The following TBC1D1 variants were observed in gnomAD, a reference collection of about 807,000 sequenced individuals.
TBC1D1 encodes the protein TBC1 (tre-2/USP6, BUB2, cdc16) domain family, member 1.
A neutral mutation model predicts 125.6 loss-of-function variants in TBC1D1; 89 were observed. That is an observed-to-expected ratio of 0.71 (90% CI 0.60 to 0.85). The LOEUF (loss-of-function observed/expected upper bound fraction) is 0.85. Ranked by LOEUF, TBC1D1 falls within the 40% of genes least tolerant of loss-of-function variation. The probability of loss-of-function intolerance (pLI) is 0.00; values close to 1 mark genes in which losing one functional copy is unlikely to be tolerated. For synonymous variants in TBC1D1, 565 were observed against 564.1 expected, an observed-to-expected ratio of 1.00 and a Z score of -0.02; for missense variants, 1,377 against 1,469.2, an observed-to-expected ratio of 0.94 and a Z score of 1.03.
intron 12 of TBC1D1, chr4:38,054,929 TGTTTAC>T (rs1417259135): frequency 6.5e-6 from 1 of 153,154 alleles, no homozygotes; most frequent in Non-Finnish European, 1.5e-5. Context: ...GTGCGCAGGG[TGTTTAC>T]TGGAGTTGTA....
intron 12 of TBC1D1, among the ~76,000 whole-genome samples, chr4:38,069,231 T>TA (rs1302250190): frequency 3.3e-5 from 5 of 152,224 alleles, no homozygotes; most frequent in African/African-American, 7.2e-5. Flanking sequence ...CCCTTTCCAT[T>TA]AAGCCATAAC....
At chr4:38,120,835 G>GA (rs1203680400) in intron 17 of TBC1D1, among the ~76,000 whole-genome samples, 17 of 152,084 alleles carry the variant, frequency 1.1e-4, no homozygotes, top group East Asian at 7.7e-4. Context: ...ACCTTTGGGG[G>GA]AAGAAAAATC....
rs947651596 is a variant in TBC1D1, at chr4:38,045,986, A to G, written c.1629+83A>G. ...ATCTCCTGTCTACATACCTCCAATC[A>G]TAAAACGTTTGCTGCTTGCAAATTT... is the stretch of plus-strand genomic sequence containing the variant. On this transcript the variant is annotated intron_variant, in intron 10 of 19. Transcript: ENST00000261439. 31 of 1,238,316 alleles carry G rather than the reference A, an allele frequency of 2.5e-5. No individual in the cohort carries two copies. The African/African-American group carries it at 4.3e-4, about 17-fold the overall frequency. The allele number at this position is 1,238,316 out of a possible 1,614,324, so 76.7% of individuals were successfully genotyped here.
In TBC1D1 at chr4:38,057,878, G is replaced by T. The variant is rs552070398; in HGVS notation, c.2050+3540G>T. On this transcript the variant is annotated intron_variant, in intron 12 of 19. Coordinates refer to ENST00000261439, the MANE Select transcript of TBC1D1 (RefSeq NM_015173.4). ...TGAGCTCGCGGGTCTGAGCTCCAAA[G>T]CTCATTCTCTGAACTGTGCACAGCA... Among the ~76,000 whole-genome samples, 7 of 152,284 alleles carry T rather than the reference G, an allele frequency of 4.6e-5. No individual in the cohort carries two copies. The East Asian group carries it at 1.2e-3, about 25-fold the overall frequency.
chr4:38,049,609 T>C lies in TBC1D1; in HGVS notation c.1630-9T>C. ...TGGTGTGTCTGATCTGCTGTGTGTT[T>C]GCTCCCAGGAGCCATCTGTGTGTGA... On this transcript the variant is annotated splice_polypyrimidine_tract_variant and intron_variant, in intron 10 of 19. Coordinates refer to ENST00000261439, the MANE Select transcript of TBC1D1 (RefSeq NM_015173.4). The C allele has an allele frequency of 6.3e-7, 1 of 1,595,576 alleles. No homozygotes were observed. Among genetic ancestry groups the C allele is most frequent in the Non-Finnish European group, 8.5e-7 (1 of 1,170,104 alleles).
chr4:38,045,868 A>T lies in TBC1D1; in HGVS notation c.1594A>T (p.Ser532Cys). ...ACACTCCATCAGTGTGGATCTGGAT[A>T]GCTCCCTGTCTAGTACATTAAGTAA... is the stretch of plus-strand genomic sequence containing the variant. Residue 532 changes from serine to cysteine, a missense_variant, in exon 10 of 20, where the codon AGC (serine) becomes TGC (cysteine). This residue lies in a region of TBC1D1 where 822 missense variants were observed against 824.6 expected (regional missense o/e 1.00). Coordinates refer to ENST00000261439, the MANE Select transcript of TBC1D1 (RefSeq NM_015173.4). 3 of 1,612,574 alleles carry T rather than the reference A, an allele frequency of 1.9e-6. No individual in the cohort carries two copies. Among genetic ancestry groups the T allele is most frequent in the Non-Finnish European group, 2.5e-6 (3 of 1,179,418 alleles).
In TBC1D1 at chr4:37,956,904, A is replaced by T. The variant is rs1578036654; in HGVS notation, c.417+54392A>T. Among the ~76,000 whole-genome samples the T allele has an allele frequency of 4.0e-5, 6 of 150,864 alleles. No individual in the cohort carries two copies. The South Asian group carries it at 1.3e-3, about 32-fold the overall frequency. On this transcript the variant is annotated intron_variant, in intron 2 of 19. Transcript: ENST00000261439. ...AAGTGAGCAGAGATCGCGCCACCGCACTCCAGCCTGGGCAACAGAGCAAGA... is the reference window on the plus strand; with the variant it reads ...AAGTGAGCAGAGATCGCGCCACCGCTCTCCAGCCTGGGCAACAGAGCAAGA...
At chr4:38,082,095 T>A (rs1756667006) in intron 12 of TBC1D1, among the ~76,000 whole-genome samples, 1 of 152,228 alleles carries the variant, frequency 6.6e-6, no homozygotes, top group Non-Finnish European at 1.5e-5. Context: ...TAAGCTTCAG[T>A]TTCCACATCT....
At chr4:37,894,135 T>A (rs780316081) in intron 1 of TBC1D1, among the ~76,000 whole-genome samples, 2 of 151,926 alleles carry the variant, frequency 1.3e-5, no homozygotes, top group Non-Finnish European at 2.9e-5. Context: ...ACTACAGGCG[T>A]GCTCTACCAC....
chr4:38,021,193 C>T (rs1172518246), intron 5 of TBC1D1, among the ~76,000 whole-genome samples: 1 of 152,192 alleles, frequency 6.6e-6, no homozygotes, highest in Non-Finnish European at 1.5e-5. Flanking sequence ...TGCAGGGGAA[C>T]TGCCCTTTAT....
chr4:37,929,195 T>C (rs563106920), intron 2 of TBC1D1, among the ~76,000 whole-genome samples: 1 of 152,330 alleles, frequency 6.6e-6, no homozygotes, highest in Admixed American at 6.5e-5. Flanking sequence ...AAATAGCCAG[T>C]CTAGCATTTA....
At chr4:38,135,410 C>T (rs1358926758) in intron 19 of TBC1D1, among the ~76,000 whole-genome samples, 2 of 152,188 alleles carry the variant, frequency 1.3e-5, no homozygotes, top group Non-Finnish European at 2.9e-5. Flanking sequence ...CATTGACGCC[C>T]ACACTGAGCC....
At chr4:37,933,424 CAT>C (rs1233488039) in intron 2 of TBC1D1, among the ~76,000 whole-genome samples, 5 of 133,742 alleles carry the variant, frequency 3.7e-5, no homozygotes, top group Non-Finnish European at 7.8e-5. Flanking sequence ...TGTATACACA[CAT>C]ATGTTTTACA....
chr4:38,020,489 TA>T (rs917858783), intron 4 of TBC1D1, 101 bp from the exon 5 acceptor site: 1 of 938,768 alleles, frequency 1.1e-6, no homozygotes, highest in Non-Finnish European at 1.6e-6. Flanking sequence ...AAAAAGATAA[TA>T]AAAAGTAAAA....
At chr4:38,006,386 C>T (rs1740172890) in intron 2 of TBC1D1, among the ~76,000 whole-genome samples, 1 of 151,768 alleles carries the variant, frequency 6.6e-6, no homozygotes, top group Admixed American at 6.6e-5. Context: ...AGGAAGATGA[C>T]ATTCCTCCAA....
At chr4:37,966,730 A>G (rs997526906) in intron 2 of TBC1D1, among the ~76,000 whole-genome samples, 4 of 152,134 alleles carry the variant, frequency 2.6e-5, no homozygotes, top group Admixed American at 2.6e-4. Flanking sequence ...CATCATTTAC[A>G]TTAGCTATTT....
intron 12 of TBC1D1, among the ~76,000 whole-genome samples, chr4:38,063,817 C>T (rs1040265695): frequency 1.3e-5 from 2 of 152,176 alleles, no homozygotes; most frequent in African/African-American, 4.8e-5. Flanking sequence ...TTACTAGAGA[C>T]GGGGTTTCAC....
intron 11 of TBC1D1, among the ~76,000 whole-genome samples, chr4:38,050,848 CT>C (rs1323608982): frequency 6.6e-6 from 1 of 152,198 alleles, no homozygotes; most frequent in Non-Finnish European, 1.5e-5. Context: ...AGCCTCCCAG[CT>C]TTGTTTTCTG....
chr4:38,099,090 G>T (rs563151027), intron 14 of TBC1D1, among the ~76,000 whole-genome samples: 7 of 152,190 alleles, frequency 4.6e-5, no homozygotes, highest in African/African-American at 1.7e-4. Context: ...TGACAGTAGG[G>T]GCCAGATGCA....
Sources: gnomAD v4.1 joint callset for allele counts (sites outside exome capture counted in the v4.1 genomes callset) on GRCh38, gnomAD v4.1.1 for gene constraint, gnomAD v4.1.1 regional missense constraint, MANE v1.5 for transcripts, NCBI Gene and HGNC (gene_info 2026-07-23, HGNC 2026-07-21) for gene names.